PINLYP: variants seen among roughly 807,000 people sequenced by gnomAD.
PINLYP encodes the protein phospholipase A2 inhibitor and Ly6/PLAUR domain-containing protein.
PINLYP carries 12 observed loss-of-function variants against 15.8 expected under a neutral mutation model. The observed-to-expected ratio is 0.76, with a 90% CI of 0.49 to 1.23. The LOEUF (loss-of-function observed/expected upper bound fraction) is 1.23, where lower values mean the gene tolerates loss of function less well. Ranked by LOEUF, PINLYP falls within the 50% of genes most tolerant of loss-of-function variation. The pLI is 0.00. For missense variants in PINLYP, 278 were observed against 264.2 expected (o/e 1.05, Z -0.36); for synonymous variants, 93 against 97.7 (o/e 0.95, Z 0.28).
intron 3 of PINLYP, among the ~76,000 whole-genome samples, chr19:43,579,814 A>G (rs1427458212): frequency 6.6e-6 from 1 of 151,598 alleles, no homozygotes; most frequent in Non-Finnish European, 1.5e-5. Context: ...AGGCAGGAGG[A>G]TCACTTGAGC....
intron 1 of PINLYP, 24 bp from the exon 2 acceptor site, chr19:43,577,091 G>C: frequency 6.5e-7 from 1 of 1,533,628 alleles, no homozygotes; most frequent in Non-Finnish European, 8.7e-7. Context: ...CCTGGGTTCT[G>C]ACCTCAGCTA....
chr19:43,581,289 A>G, exon 4 of PINLYP: 3 of 1,537,066 alleles, frequency 2.0e-6, no homozygotes, highest in Non-Finnish European at 2.6e-6. Flanking sequence ...ATCCACCACC[A>G]TGGGCCCCAA....
At chr19:43,580,742 T>C (rs115681905) in intron 3 of PINLYP, 59,554 of 944,930 alleles carry the variant, frequency 0.063, 2,378 homozygotes, top group East Asian at 0.29. Flanking sequence ...GAGGGCTACC[T>C]AAGAAAGCAC....
At chr19:43,577,934 T>C (rs1972885656) in intron 2 of PINLYP, among the ~76,000 whole-genome samples, 3 of 152,048 alleles carry the variant, frequency 2.0e-5, no homozygotes, top group Admixed American at 2.0e-4. Flanking sequence ...TATCATATGA[T>C]ATATTTTTTT....
exon 2 of PINLYP, chr19:43,577,230 C>G (rs1425866228): frequency 6.5e-7 from 1 of 1,535,956 alleles, no homozygotes; most frequent in East Asian, 2.4e-5. Context: ...TTCTGCTGGC[C>G]TTTGTGTTGC....
At chr19:43,580,167 G>A (rs1047508416) in intron 3 of PINLYP, among the ~76,000 whole-genome samples, 2 of 152,140 alleles carry the variant, frequency 1.3e-5, no homozygotes, top group Non-Finnish European at 2.9e-5. Context: ...CCCAGCCAGC[G>A]TTGGTGGGTT....
chr19:43,576,160 C>T lies in PINLYP; in HGVS notation c.-837C>T, dbSNP rs3213243. 3.2e-3 allele frequency among the ~76,000 whole-genome samples: 491 copies of T among 152,248 alleles called. 1 individual carries two copies. The highest frequency in any genetic ancestry group is 6.8e-3 in the Middle Eastern group (2 of 294). ...TCTCGAACTCCTCAGCTCAAGCGAT[C>T]CACCTGCCTCGGCCTCTCAAAGTGC... is the stretch of plus-strand genomic sequence containing the variant. On this transcript the variant is annotated 5_prime_UTR_variant, in exon 1 of 6. Transcript: ENST00000599207.
chr19:43,582,009 T>C (rs1413317593), exon 6 of PINLYP: 2 of 1,535,994 alleles, frequency 1.3e-6, no homozygotes, highest in Admixed American at 2.0e-5. Context: ...TGAAAAGCTA[T>C]CTGAACAGAG....
chr19:43,577,809 G>A (rs1033042537), intron 2 of PINLYP, among the ~76,000 whole-genome samples: 1 of 152,224 alleles, frequency 6.6e-6, no homozygotes, highest in South Asian at 2.1e-4. Context: ...GGGAGGCTGA[G>A]GTGAGAGGAT....
At chr19:43,577,221 T>C (rs2146079702) in exon 2 of PINLYP, 2 of 1,536,080 alleles carry the variant, frequency 1.3e-6, no homozygotes, top group East Asian at 4.9e-5. Flanking sequence ...CAGAGACCTT[T>C]CTGCTGGCCT....
rs1473870944 is a variant in PINLYP, at chr19:43,578,867, G to C, written c.187+161G>C. 3 of 607,288 alleles carry C rather than the reference G, an allele frequency of 4.9e-6. No individual in the cohort carries two copies. The East Asian group carries it at 8.7e-5, about 18-fold the overall frequency. 37.6% of individuals were successfully genotyped at this position (607,288 alleles called of 1,614,324 possible). On this transcript the variant is annotated intron_variant, in intron 3 of 5. Coordinates refer to ENST00000599207, the Ensembl canonical transcript of PINLYP. ...AGGGAAAGACCATCATGAGATGGAGGGAACAGAAATAAGTGGTGTGATAGA... is the reference window on the plus strand; with the variant it reads ...AGGGAAAGACCATCATGAGATGGAGCGAACAGAAATAAGTGGTGTGATAGA...
exon 1 of PINLYP, among the ~76,000 whole-genome samples, chr19:43,576,396 C>T (rs1972864332): frequency 6.6e-6 from 1 of 151,980 alleles, no homozygotes; most frequent in African/African-American, 2.4e-5. Context: ...ATTAGCAGAT[C>T]TCTTTCAGCC....
At chr19:43,576,185 C>T (rs1295053741) in exon 1 of PINLYP, among the ~76,000 whole-genome samples, 1 of 152,146 alleles carries the variant, frequency 6.6e-6, no homozygotes, top group Admixed American at 6.5e-5. Context: ...TCTCAAAGTG[C>T]TGGAACTACA....
rs115058774 is a variant in PINLYP at position 43,581,793 on chromosome 19, G to A, written c.482-75G>A. The A allele has an allele frequency of 1.6e-3, 2,386 of 1,533,618 alleles. 36 individuals carry two copies. The African/African-American group carries it at 0.023, about 15-fold the overall frequency. ...GGGAGGAGAGGGTTCCAGAGAAGTG[G>A]GTGAGGATGTGTTCTGGGATTATGA... is the stretch of plus-strand genomic sequence containing the variant. On this transcript the variant is annotated intron_variant, in intron 5 of 5. Coordinates refer to ENST00000599207, the Ensembl canonical transcript of PINLYP.
Position 43,577,511 on chromosome 19 carries a change from A to G in PINLYP, c.70+250A>G, listed in dbSNP as rs955021075. Among the ~76,000 whole-genome samples, 2 of 151,924 alleles carry G rather than the reference A, an allele frequency of 1.3e-5. 1 individual carries two copies. Among genetic ancestry groups the G allele is most frequent in the Non-Finnish European group, 2.9e-5 (2 of 67,990 alleles). On this transcript the variant is annotated intron_variant, in intron 2 of 5. Coordinates refer to ENST00000599207, the Ensembl canonical transcript of PINLYP. ...GGGCTTGGTGGGCTCTGAATCCTCC[A>G]TCCTCCAGGAAGGATCCCAAACACA... is the stretch of plus-strand genomic sequence containing the variant.
chr19:43,580,626 G>A, intron 3 of PINLYP: 4 of 970,284 alleles, frequency 4.1e-6, no homozygotes, highest in South Asian at 4.8e-5. Context: ...GTGGCCGTGG[G>A]TGGGGTGGGG....
chr19:43,576,962 G>A, intron 1 of PINLYP, 43 bp downstream of exon 1: 3 of 610,176 alleles, frequency 4.9e-6, no homozygotes, highest in Non-Finnish European at 8.1e-6. Context: ...TAATAGAAGA[G>A]GGGGATGGAA....
At chr19:43,575,531 A>C, upstream of PINLYP, 6 of 1,323,248 alleles carry the variant, frequency 4.5e-6, no homozygotes, top group Non-Finnish European at 6.4e-6. Flanking sequence ...GGAGAGTGGG[A>C]GGGGGCGGGG....
exon 1 of PINLYP, chr19:43,576,731 C>T (rs1972869871): frequency 5.9e-6 from 1 of 169,254 alleles, no homozygotes; most frequent in Non-Finnish European, 1.3e-5. Context: ...ACCCCGCACC[C>T]GCAGGACCAG....
Sources: allele counts gnomAD v4.1 joint callset (sites outside exome capture counted in the v4.1 genomes callset), GRCh38; gene constraint gnomAD v4.1.1; transcripts MANE v1.5; gene names NCBI Gene and HGNC (gene_info 2026-07-23, HGNC 2026-07-21).